The following PCDH15 variants were observed in gnomAD, a reference collection of about 807,000 sequenced individuals.
The protein encoded by PCDH15 is protocadherin-15.
In PCDH15, 129 loss-of-function variants were observed where a neutral mutation model predicts 178.5. That is an observed-to-expected ratio of 0.72 (90% confidence interval 0.63 to 0.84). The LOEUF (loss-of-function observed/expected upper bound fraction) is 0.84, where lower values mean the gene tolerates loss of function less well. Ranked by LOEUF, PCDH15 falls within the 40% of genes least tolerant of loss-of-function variation. The pLI, the probability that PCDH15 is intolerant of heterozygous loss-of-function variation, is 0.00. For missense variants in PCDH15, 2,230 were observed against 2,099.9 expected, an observed-to-expected ratio of 1.06 and a Z score of -1.21; for synonymous variants, 800 against 732.0, an observed-to-expected ratio of 1.09 and a Z score of -1.50.
chr10:55,584,634 G>GGTGACA (rs1451220009), intron 2 of PCDH15, among the ~76,000 whole-genome samples: 2 of 143,984 alleles, frequency 1.4e-5, no homozygotes, highest in African/African-American at 5.2e-5. Flanking sequence ...CTCCAGCTTG[G>GGTGACA]GTGACAGAGC....
At chr10:54,512,934 A>T in intron 3 of PCDH15, among the ~76,000 whole-genome samples, 1 of 152,118 alleles carries the variant, frequency 6.6e-6, no homozygotes, top group Non-Finnish European at 1.5e-5. Context: ...TTTTCCAAGA[A>T]TTAGACAGTA....
chr10:54,056,084 T>A (rs1445894773), intron 18 of PCDH15, among the ~76,000 whole-genome samples: 2 of 152,224 alleles, frequency 1.3e-5, no homozygotes, highest in African/African-American at 2.4e-5. Context: ...GAGAGGCACA[T>A]CCAAGTCCAT....
At chr10:54,612,795 A>T (rs2093006108) in intron 2 of PCDH15, among the ~76,000 whole-genome samples, 1 of 151,802 alleles carries the variant, frequency 6.6e-6, no homozygotes, top group Non-Finnish European at 1.5e-5. Flanking sequence ...TATAAAACCT[A>T]TTGGAATAGA....
intron 21 of PCDH15, among the ~76,000 whole-genome samples, chr10:53,987,398 T>C (rs1273325299): frequency 6.6e-6 from 1 of 152,070 alleles, no homozygotes; most frequent in Non-Finnish European, 1.5e-5. Context: ...ATGCAGCAAA[T>C]GCAGAGCTTA....
intron 1 of PCDH15, among the ~76,000 whole-genome samples, chr10:54,753,818 G>T (rs1000125334): frequency 6.6e-6 from 1 of 151,604 alleles, no homozygotes; most frequent in Admixed American, 6.6e-5. Context: ...CCTAAATCTG[G>T]AATGTAATCT....
chr10:54,132,157 T>C (rs1590685394), intron 15 of PCDH15, among the ~76,000 whole-genome samples: 1 of 152,196 alleles, frequency 6.6e-6, no homozygotes, highest in Non-Finnish European at 1.5e-5. Context: ...ATGATTCTTA[T>C]GATTGGCATA....
rs563806752 is a variant in PCDH15, at chr10:54,424,948, T to C, written c.158-46006A>G. Among the ~76,000 whole-genome samples the C allele has an allele frequency of 3.3e-5, 5 of 149,478 alleles. No homozygotes were observed. In the South Asian group the frequency reaches 6.4e-4, roughly 19 times the overall value. ...GGGTGAAGCACACCAACATGGCACA[T>C]GTATATATATGTAACAAACCGGCAC... is the stretch of plus-strand genomic sequence containing the variant. On this transcript the variant is annotated intron_variant, in intron 3 of 37. Coordinates refer to ENST00000644397, the MANE Select transcript of PCDH15 (RefSeq NM_001384140.1).
intron 8 of PCDH15, among the ~76,000 whole-genome samples, chr10:54,270,899 T>A (rs1227224014): frequency 6.6e-6 from 1 of 152,068 alleles, no homozygotes; most frequent in Non-Finnish European, 1.5e-5. Flanking sequence ...CTAACAAAAA[T>A]AAACATATAA....
intron 2 of PCDH15, among the ~76,000 whole-genome samples, chr10:54,939,856 A>G (rs1205296349): frequency 2.0e-5 from 3 of 152,122 alleles, no homozygotes; most frequent in African/African-American, 7.2e-5. Flanking sequence ...TTATAAGAGC[A>G]CTAATCTAGT....
At chr10:55,062,336 C>T (rs982083486) in intron 2 of PCDH15, among the ~76,000 whole-genome samples, 5 of 152,210 alleles carry the variant, frequency 3.3e-5, no homozygotes, top group Admixed American at 2.6e-4. Flanking sequence ...TTACCTTTAT[C>T]TTGGACTTTC....
At chr10:55,383,889 A>G (rs1837593915) in intron 2 of PCDH15, among the ~76,000 whole-genome samples, 1 of 152,176 alleles carries the variant, frequency 6.6e-6, no homozygotes, top group African/African-American at 2.4e-5. Context: ...TAGAGTGTGT[A>G]TGCGTGAATT....
intron 33 of PCDH15, chr10:53,818,449 T>C (rs2076142267): frequency 6.6e-6 from 1 of 152,600 alleles, no homozygotes; most frequent in Non-Finnish European, 1.5e-5. Context: ...ATTATGTCTA[T>C]GATTGAATAT....
chr10:53,841,543 G>T (rs1008071464), intron 28 of PCDH15, among the ~76,000 whole-genome samples: 3 of 152,092 alleles, frequency 2.0e-5, no homozygotes, highest in Admixed American at 6.6e-5. Context: ...GAACAATGAG[G>T]TTACTAAACT....
At chr10:55,282,992 C>T (rs1013319098) in intron 1 of PCDH15, among the ~76,000 whole-genome samples, 5 of 152,014 alleles carry the variant, frequency 3.3e-5, no homozygotes, top group Non-Finnish European at 7.4e-5. Flanking sequence ...CAGTATTTTC[C>T]CAAAACAAAC....
intron 27 of PCDH15, among the ~76,000 whole-genome samples, chr10:53,861,365 A>G (rs1406273719): frequency 1.3e-5 from 2 of 152,126 alleles, no homozygotes; most frequent in African/African-American, 4.8e-5. Flanking sequence ...ATGGATTCAA[A>G]TTACTAGGTA....
rs1269798516 is a variant in PCDH15 at position 54,644,639 on chromosome 10, C to T, written c.91+19533G>A. Among the ~76,000 whole-genome samples, 7 of 151,926 alleles carry T rather than the reference C, an allele frequency of 4.6e-5. No individual in the cohort carries two copies. In the East Asian group the frequency reaches 5.8e-4, roughly 13 times the overall value. ...TCATTCTATTGAACGTCTCTAATGA[C>T]GGGATAAGGCTAGAAAAAAAGATTC... On this transcript the variant is annotated intron_variant, in intron 2 of 37. Coordinates refer to ENST00000644397, the MANE Select transcript of PCDH15 (RefSeq NM_001384140.1).
chr10:53,885,510 G>A (rs1025036405), intron 26 of PCDH15, among the ~76,000 whole-genome samples: 1 of 152,016 alleles, frequency 6.6e-6, no homozygotes, highest in African/African-American at 2.4e-5. Context: ...TGTTTCTCAG[G>A]ACTTCATGCC....
At chr10:54,603,494 T>A (rs1237407753) in intron 2 of PCDH15, among the ~76,000 whole-genome samples, 1 of 151,736 alleles carries the variant, frequency 6.6e-6, no homozygotes, top group Non-Finnish European at 1.5e-5. Flanking sequence ...GATGTTTCTT[T>A]TTTTTTTTCT....
At chr10:54,959,904 C>T (rs1006102932) in intron 2 of PCDH15, among the ~76,000 whole-genome samples, 1 of 152,076 alleles carries the variant, frequency 6.6e-6, no homozygotes, top group Non-Finnish European at 1.5e-5. Context: ...CTCATCCTGA[C>T]ATGTATCTGG....
Sources: allele counts gnomAD v4.1 joint callset (sites outside exome capture counted in the v4.1 genomes callset), GRCh38; gene constraint gnomAD v4.1.1; transcripts MANE v1.5; gene names NCBI Gene and HGNC (gene_info 2026-07-23, HGNC 2026-07-21).